Variants in TNK2 observed in about 807,000 individuals in gnomAD.
TNK2 encodes the protein activated CDC42 kinase 1.
Under a neutral mutation model 101.8 loss-of-function variants are expected in TNK2, and 83 were observed. The observed-to-expected ratio is 0.82, with a 90% confidence interval of 0.68 to 0.98. TNK2 has a LOEUF of 0.98. Ranked by LOEUF, TNK2 falls within the 50% of genes least tolerant of loss-of-function variation. TNK2 has a pLI of 0.00. For missense variants in TNK2, 1,665 were observed against 1,483.2 expected, an observed-to-expected ratio of 1.12 and a Z score of -2.01; for synonymous variants, 804 against 633.0, an observed-to-expected ratio of 1.27 and a Z score of -4.06.
At chr3:195,891,131 C>T (rs1758267514) in intron 1 of TNK2, among the ~76,000 whole-genome samples, 1 of 152,174 alleles carries the variant, frequency 6.6e-6, no homozygotes, top group Non-Finnish European at 1.5e-5. Context: ...ATAAAAATAA[C>T]ATCTAGGCCA....
chr3:195,887,152 A>C, intron 2 of TNK2, 105 bp from the exon 3 acceptor site: 2 of 1,096,866 alleles, frequency 1.8e-6, no homozygotes, highest in South Asian at 2.8e-5. Flanking sequence ...GACACCGCCC[A>C]CCCGATGATA....
rs1281120090 is a variant in TNK2, at chr3:195,867,486, A to G, written c.2812T>C (p.Phe938Leu). ...CCTGGGTTGCTGTTGTTGGTGGAGAAGTTGGCCTTGGGGTCCAAGGCAGCC... is the reference window on the plus strand; with the variant it reads ...CCTGGGTTGCTGTTGTTGGTGGAGAGGTTGGCCTTGGGGTCCAAGGCAGCC... ...PQAALDPKAN[F>L]STNNSNPGAR... Residue 938 changes from phenylalanine to leucine, a missense_variant, in exon 13 of 16, where the codon TTC becomes CTC. Physicochemically the swap from Phe to Leu is conservative, Grantham distance 22. This residue lies in a region of TNK2 where 1,136 missense variants were observed against 894.9 expected (regional missense o/e 1.27). Transcript: ENST00000672887. 2.0e-6 allele frequency: 3 copies of G among 1,537,592 alleles called. No individual in the cohort carries two copies. Among genetic ancestry groups the G allele is most frequent in the Non-Finnish European group, 2.6e-6 (3 of 1,146,108 alleles).
In TNK2 at chr3:195,868,717, G is replaced by A; in HGVS notation, c.1589-8C>T. Reference sequence around the variant, plus strand: ...CAGGGTCATAGGTTGGTTCTGTGATGGAAAGGGAGAGCCCAACAGGAAGGC... The same window carrying A: ...CAGGGTCATAGGTTGGTTCTGTGATAGAAAGGGAGAGCCCAACAGGAAGGC... On this transcript the variant is annotated splice_polypyrimidine_tract_variant and splice_region_variant and intron_variant, in intron 12 of 15. Coordinates refer to ENST00000672887, the MANE Select transcript of TNK2 (RefSeq NM_001382273.1). The A allele has an allele frequency of 3.2e-6, 5 of 1,544,508 alleles. No individual in the cohort carries two copies. The highest frequency in any genetic ancestry group is 2.4e-5 in the East Asian group (1 of 41,438).
chr3:195,865,681 G>A (rs1462596196), intron 15 of TNK2, among the ~76,000 whole-genome samples: 1 of 149,164 alleles, frequency 6.7e-6, no homozygotes, highest in Admixed American at 6.7e-5. Context: ...CGTCCCAGGT[G>A]CAAATCAGTT....
intron 1 of TNK2, among the ~76,000 whole-genome samples, chr3:195,898,114 C>T (rs1760832937): frequency 6.6e-6 from 1 of 152,000 alleles, no homozygotes; most frequent in Non-Finnish European, 1.5e-5. Flanking sequence ...TCCTGTATCC[C>T]GCTGAAAACA....
In TNK2 at chr3:195,885,067, C is replaced by T. The variant is rs1031532190; in HGVS notation, c.235-34G>A. On this transcript the variant is annotated intron_variant, in intron 3 of 15. Transcript: ENST00000672887. The surrounding 1 kb of genome is among the most constrained non-coding windows in gnomAD (Gnocchi z 4.7). Reference sequence around the variant, plus strand: ...AGGCAGCCGGGGGCCAGATGGAATCCAACACCCCAGGGTCAGTCACTCAGT... The same window carrying T: ...AGGCAGCCGGGGGCCAGATGGAATCTAACACCCCAGGGTCAGTCACTCAGT... The T allele has an allele frequency of 1.3e-6, 2 of 1,552,482 alleles. No homozygotes were observed.
At chr3:195,891,687 G>A (rs949297386) in intron 1 of TNK2, among the ~76,000 whole-genome samples, 1 of 152,048 alleles carries the variant, frequency 6.6e-6, no homozygotes, top group Non-Finnish European at 1.5e-5. Flanking sequence ...GCCTCAGGAT[G>A]GAGGCTCCTA....
intron 9 of TNK2, among the ~76,000 whole-genome samples, chr3:195,874,184 G>A (rs1747496675): frequency 6.6e-6 from 1 of 152,228 alleles, no homozygotes; most frequent in Non-Finnish European, 1.5e-5. Flanking sequence ...CTCTTCAGAG[G>A]CGCTCAGTAA....
At chr3:195,887,901 T>TGTGTGCACGTGCATGC (rs1756674767) in intron 2 of TNK2, among the ~76,000 whole-genome samples, 2 of 125,408 alleles carry the variant, frequency 1.6e-5, no homozygotes, top group Non-Finnish European at 3.1e-5. Flanking sequence ...CGTGCATGCG[T>TGTGTGCACGTGCATGC]GTGTGCACGT....
rs372236283 is a variant in TNK2, at chr3:195,878,548, G to A, written c.1059C>T (p.Pro353=). The A allele has an allele frequency of 1.9e-5, 31 of 1,613,522 alleles. No individual in the cohort carries two copies. The African/African-American group carries it at 2.0e-4, about 10-fold the overall frequency. ...TGTAGATGTCCTGGGGACAGTCCTC[G>A]GGCCGGGGCAGCCGCTCCCCCTCCT... ...IDKEGERLPR[P]EDCPQDIYNV... The change falls in exon 8 of 16, where the codon CCC becomes CCT. Residue 353 remains proline (P), a synonymous_variant. Coordinates refer to ENST00000672887, the MANE Select transcript of TNK2 (RefSeq NM_001382273.1). The surrounding 1 kb of genome is among the most constrained non-coding windows in gnomAD (Gnocchi z 4.7).
chr3:195,907,366 C>T (rs1156902616), intron 1 of TNK2, among the ~76,000 whole-genome samples: 1 of 152,220 alleles, frequency 6.6e-6, no homozygotes, highest in Non-Finnish European at 1.5e-5. Context: ...TCCAGCACCA[C>T]TCCCTCTGCC....
chr3:195,877,632 G>C (rs1750151781), intron 9 of TNK2, among the ~76,000 whole-genome samples: 1 of 152,224 alleles, frequency 6.6e-6, no homozygotes, highest in Admixed American at 6.5e-5. Context: ...CCAGCACAAG[G>C]CAGGGCCAGC....
chr3:195,879,389 C>T, intron 6 of TNK2: 1 of 559,080 alleles, frequency 1.8e-6, no homozygotes, highest in South Asian at 2.6e-5. Context: ...CTCTTATTCA[C>T]TTGCAGCCTG....
intron 9 of TNK2, among the ~76,000 whole-genome samples, chr3:195,877,434 G>A (rs1034487429): frequency 1.3e-5 from 2 of 152,186 alleles, no homozygotes; most frequent in Non-Finnish European, 2.9e-5. Context: ...AAAAGCTGCA[G>A]TGCAGGTGGA....
rs149876988 is a variant in TNK2, at chr3:195,900,969, A to G, written c.-19+7516T>C. 5.9e-3 allele frequency among the ~76,000 whole-genome samples: 901 copies of G among 152,332 alleles called. 7 individuals carry two copies. Among genetic ancestry groups the G allele is most frequent in the Admixed American group, 8.7e-3 (133 of 15,304 alleles). Reference sequence around the variant, plus strand: ...GGCCCTGGAGGTGGAGTGTGGAAAGAAGGAGTGGAGAGGAGATGCCAGAGC... The same window carrying G: ...GGCCCTGGAGGTGGAGTGTGGAAAGGAGGAGTGGAGAGGAGATGCCAGAGC... On this transcript the variant is annotated intron_variant, in intron 1 of 15. Transcript: ENST00000672887.
chr3:195,885,594 G>T lies in TNK2; in HGVS notation c.235-561C>A, dbSNP rs1183924664. ...GTCTGAGGTTGAACCGTGAGTGTGT[G>T]TGTGGTTCAGATGAAGCTAGTCCTT... On this transcript the variant is annotated intron_variant, in intron 3 of 15. Coordinates refer to ENST00000672887, the MANE Select transcript of TNK2 (RefSeq NM_001382273.1). The surrounding 1 kb of genome is among the most constrained non-coding windows in gnomAD (Gnocchi z 4.7). 3.1e-6 allele frequency: 4 copies of T among 1,289,496 alleles called. No homozygotes were observed. The highest frequency in any genetic ancestry group is 4.0e-6 in the Non-Finnish European group (4 of 988,616). The allele number at this position is 1,289,496 out of a possible 1,614,324, so 79.9% of individuals were successfully genotyped here.
chr3:195,899,168 T>C (rs1760955294), intron 1 of TNK2, among the ~76,000 whole-genome samples: 1 of 152,228 alleles, frequency 6.6e-6, no homozygotes, highest in Admixed American at 6.5e-5. Flanking sequence ...TGTGTCTACA[T>C]GATAAACTCC....
At chr3:195,899,328 AAAT>A (rs1473774202) in intron 1 of TNK2, among the ~76,000 whole-genome samples, 1 of 151,986 alleles carries the variant, frequency 6.6e-6, no homozygotes, top group Non-Finnish European at 1.5e-5. Context: ...AAAATAGCCA[AAAT>A]AATTTTTTTT....
At chr3:195,869,575 G>A (rs1015222218) in intron 11 of TNK2, 34 bp from the exon 12 acceptor site, 58 of 1,549,310 alleles carry the variant, frequency 3.7e-5, no homozygotes, top group Middle Eastern at 1.7e-4. Context: ...GGGGGAGAGA[G>A]ACGGAGCAGG....
Sources: allele counts gnomAD v4.1 joint callset (sites outside exome capture counted in the v4.1 genomes callset), GRCh38; gene constraint gnomAD v4.1.1; regional missense constraint gnomAD v4.1.1; non-coding constraint Gnocchi (gnomAD v3.1); transcripts MANE v1.5; gene names NCBI Gene and HGNC (gene_info 2026-07-23, HGNC 2026-07-21).